The following DENND2B variants were observed in gnomAD, a reference collection of about 807,000 sequenced individuals.
DENND2B encodes the protein DENN domain-containing protein 2B.
A neutral mutation model predicts 116.0 loss-of-function variants in DENND2B; 32 were observed. The ratio of observed to expected loss-of-function variants is 0.28; its 90% CI spans 0.21 to 0.37. DENND2B has a LOEUF of 0.37. DENND2B is among the 10% of genes least tolerant of loss of function. The pLI is 1.00. For synonymous variants in DENND2B, 588 were observed against 583.9 expected (o/e 1.01, Z -0.10); for missense variants, 1,276 against 1,477.7 (o/e 0.86, Z 2.24).
chr11:8,824,135 C>T (rs148858351), intron 4 of DENND2B, among the ~76,000 whole-genome samples: 3,099 of 152,000 alleles, frequency 0.02, 40 homozygotes, highest in Middle Eastern at 0.037. Context: ...ATCTCCTGAC[C>T]TTGTGATCTG....
intron 6 of DENND2B, 173 bp from the exon 7 acceptor site, chr11:8,714,879 C>G: frequency 3.4e-6 from 2 of 592,240 alleles, no homozygotes; most frequent in South Asian, 4.0e-5. Flanking sequence ...GACTCACCAG[C>G]CATGCATGGT....
intron 4 of DENND2B, 38 bp downstream of exon 4, chr11:8,726,035 C>G (rs1377326678): frequency 6.2e-7 from 1 of 1,613,020 alleles, no homozygotes; most frequent in South Asian, 1.1e-5. Flanking sequence ...TCTGCAGCCC[C>G]CTGAGATGAC....
At chr11:8,852,970 G>T (rs1470205719) in intron 3 of DENND2B, among the ~76,000 whole-genome samples, 1 of 152,178 alleles carries the variant, frequency 6.6e-6, no homozygotes, top group Non-Finnish European at 1.5e-5. Flanking sequence ...AAATTCATGT[G>T]AAAATCTAAC....
intron 4 of DENND2B, among the ~76,000 whole-genome samples, chr11:8,724,591 C>G (rs1394535753): frequency 6.6e-6 from 1 of 152,198 alleles, no homozygotes; most frequent in African/African-American, 2.4e-5. Context: ...GCAACCCAGG[C>G]TAGAGCATTC....
At chr11:8,722,470 C>T (rs145088338) in intron 4 of DENND2B, among the ~76,000 whole-genome samples, 185 of 152,150 alleles carry the variant, frequency 1.2e-3, no homozygotes, top group Middle Eastern at 6.8e-3. Context: ...ACCAGAGAGA[C>T]GGCTCCCAGG....
At chr11:8,891,222 C>A (rs1460844795) in intron 1 of DENND2B, among the ~76,000 whole-genome samples, 1 of 152,170 alleles carries the variant, frequency 6.6e-6, no homozygotes, top group East Asian at 1.9e-4. Flanking sequence ...GCCTGCCCTA[C>A]AAGAGCTCCT....
At chr11:8,735,858 C>T (rs749939948) in intron 2 of DENND2B, among the ~76,000 whole-genome samples, 1 of 152,248 alleles carries the variant, frequency 6.6e-6, no homozygotes, top group Non-Finnish European at 1.5e-5. Context: ...GTTTGCACAG[C>T]AGGTGTCATC....
intron 1 of DENND2B, among the ~76,000 whole-genome samples, chr11:8,767,257 G>T (rs955289635): frequency 1.3e-5 from 2 of 152,168 alleles, no homozygotes; most frequent in Non-Finnish European, 2.9e-5. Flanking sequence ...GAGAAATGAC[G>T]GAAGGAACTG....
At chr11:8,833,633 C>A (rs1245138472) in intron 4 of DENND2B, among the ~76,000 whole-genome samples, 1 of 152,196 alleles carries the variant, frequency 6.6e-6, no homozygotes, top group South Asian at 2.1e-4. Flanking sequence ...TAACAGGAGG[C>A]ACAGAGTTAA....
At chr11:8,811,589 T>C, upstream of DENND2B, 4 of 364,268 alleles carry the variant, frequency 1.1e-5, no homozygotes, top group Non-Finnish European at 1.5e-5. Flanking sequence ...ATCCCCATCC[T>C]GTCCCTTCCT....
intron 4 of DENND2B, among the ~76,000 whole-genome samples, chr11:8,721,277 C>T (rs1403977713): frequency 6.6e-6 from 1 of 151,926 alleles, no homozygotes. Context: ...CCTCCCACTC[C>T]TCCCTACAAC....
intron 1 of DENND2B, among the ~76,000 whole-genome samples, chr11:8,766,345 C>G (rs528743159): frequency 6.6e-6 from 1 of 152,222 alleles, no homozygotes; most frequent in South Asian, 2.1e-4. Context: ...TCAGCCCAGG[C>G]GCCTGCACAT....
chr11:8,811,335 C>T (rs1269870206), upstream of DENND2B: 12 of 398,490 alleles, frequency 3.0e-5, no homozygotes, highest in Non-Finnish European at 5.3e-5. Context: ...CTCTCATCTT[C>T]CTGAAATGGA....
chr11:8,797,290 A>G (rs1220728672), intron 1 of DENND2B, among the ~76,000 whole-genome samples: 2 of 152,234 alleles, frequency 1.3e-5, no homozygotes, highest in Non-Finnish European at 2.9e-5. Context: ...CTTACCGCTA[A>G]CCTAAAATCT....
At chr11:8,697,046 G>A (rs555496578) in intron 17 of DENND2B, among the ~76,000 whole-genome samples, 3 of 152,344 alleles carry the variant, frequency 2.0e-5, no homozygotes, top group Non-Finnish European at 4.4e-5. Flanking sequence ...GATTACAGGC[G>A]TGAGCCACCA....
intron 1 of DENND2B, among the ~76,000 whole-genome samples, chr11:8,899,359 C>T (rs1384577072): frequency 6.6e-6 from 1 of 152,048 alleles, no homozygotes; most frequent in Non-Finnish European, 1.5e-5. Context: ...CAAAAGAACT[C>T]CAAGTACCAT....
chr11:8,742,025 G>GA (rs1173966580), intron 2 of DENND2B, among the ~76,000 whole-genome samples: 2 of 152,192 alleles, frequency 1.3e-5, no homozygotes, highest in African/African-American at 4.8e-5. Flanking sequence ...TGAGTAGCTG[G>GA]GAGCACAGGT....
At position 8,781,248 on chromosome 11, in the gene DENND2B, C is replaced by T. The variant is rs562448546; in HGVS notation, c.-26+29269G>A. Among the ~76,000 whole-genome samples the T allele has an allele frequency of 1.1e-3, 166 of 152,214 alleles. 1 individual carries two copies. Among genetic ancestry groups the T allele is most frequent in the African/African-American group, 3.8e-3 (156 of 41,534 alleles). Reference sequence around the variant, plus strand: ...TAACAGTTAGCCTGAAGTCAATAGGCAGGTAAGGGCACCAAGAGTGAGCAG... The same window carrying T: ...TAACAGTTAGCCTGAAGTCAATAGGTAGGTAAGGGCACCAAGAGTGAGCAG... On this transcript the variant is annotated intron_variant, in intron 1 of 19. Coordinates refer to ENST00000313726, the MANE Select transcript of DENND2B (RefSeq NM_213618.2).
chr11:8,701,518 T>C (rs1232486681), intron 14 of DENND2B, among the ~76,000 whole-genome samples: 1 of 152,080 alleles, frequency 6.6e-6, no homozygotes, highest in Non-Finnish European at 1.5e-5. Flanking sequence ...GTCTCTGTAC[T>C]TTCTTCTTTC....
Sources: gnomAD v4.1 joint callset for allele counts (sites outside exome capture counted in the v4.1 genomes callset) on GRCh38, gnomAD v4.1.1 for gene constraint, MANE v1.5 for transcripts, NCBI Gene and HGNC (gene_info 2026-07-23, HGNC 2026-07-21) for gene names.